ADAM12: variants seen among roughly 807,000 people sequenced by gnomAD.
ADAM12 encodes disintegrin and metalloproteinase domain-containing protein 12.
A neutral mutation model predicts 106.4 loss-of-function variants in ADAM12; 70 were observed. The ratio of observed to expected loss-of-function variants is 0.66; its 90% CI spans 0.54 to 0.80. The LOEUF (loss-of-function observed/expected upper bound fraction) is 0.80, where lower values mean the gene tolerates loss of function less well. Ranked by LOEUF, ADAM12 falls within the 30% of genes least tolerant of loss-of-function variation. The pLI is 0.00. For synonymous variants in ADAM12, 420 were observed against 433.5 expected, an observed-to-expected ratio of 0.97 and a Z score of 0.39; for missense variants, 1,010 against 1,171.9, an observed-to-expected ratio of 0.86 and a Z score of 2.02.
At chr10:126,114,755 C>T (rs1955949141) in intron 6 of ADAM12, among the ~76,000 whole-genome samples, 1 of 152,212 alleles carries the variant, frequency 6.6e-6, no homozygotes, top group African/African-American at 2.4e-5. Context: ...GCTGGGACTA[C>T]AGGCGTGAGC....
At chr10:126,338,929 G>A (rs927757679) in intron 1 of ADAM12, among the ~76,000 whole-genome samples, 3 of 152,170 alleles carry the variant, frequency 2.0e-5, no homozygotes, top group African/African-American at 7.2e-5. Context: ...TGAAAAACAA[G>A]TCATTCTGCA....
At chr10:126,336,932 A>G (rs1266106931) in intron 1 of ADAM12, among the ~76,000 whole-genome samples, 2 of 152,202 alleles carry the variant, frequency 1.3e-5, no homozygotes, top group East Asian at 3.8e-4. Flanking sequence ...CTTGCTATTC[A>G]GATCCTTGGT....
At chr10:126,097,309 A>C (rs1955575767) in intron 10 of ADAM12, among the ~76,000 whole-genome samples, 1 of 152,154 alleles carries the variant, frequency 6.6e-6, no homozygotes, top group South Asian at 2.1e-4. Flanking sequence ...CAGGGCCTCC[A>C]GGTCCACAGA....
intron 5 of ADAM12, among the ~76,000 whole-genome samples, chr10:126,121,421 G>C (rs1318137666): frequency 4.9e-5 from 6 of 121,872 alleles, no homozygotes; most frequent in African/African-American, 2.0e-4. Context: ...TATATAATAT[G>C]CAATATATTA....
chr10:126,113,558 G>GCTGAGGCACAAGAATTACT (rs1344878290), intron 6 of ADAM12, among the ~76,000 whole-genome samples: 1 of 133,666 alleles, frequency 7.5e-6, no homozygotes, highest in Non-Finnish European at 1.5e-5. Flanking sequence ...TACTCGGGAG[G>GCTGAGGCACAAGAATTACT]CTGAGGCACA....
At chr10:126,141,090 G>A (rs1956501219) in intron 4 of ADAM12, among the ~76,000 whole-genome samples, 1 of 152,206 alleles carries the variant, frequency 6.6e-6, no homozygotes, top group South Asian at 2.1e-4. Flanking sequence ...CTTGGTTTTT[G>A]GGTCTGAATA....
chr10:126,143,289 TGTGTGTGCATGTGG>T (rs1213372927), intron 4 of ADAM12, among the ~76,000 whole-genome samples: 3 of 150,232 alleles, frequency 2.0e-5, no homozygotes, highest in East Asian at 3.9e-4. Context: ...TATGCATGTG[TGTGTGTGCATGTGG>T]GTGTGCATGT....
chr10:126,184,740 A>G (rs1377889225), intron 3 of ADAM12, among the ~76,000 whole-genome samples: 1 of 152,184 alleles, frequency 6.6e-6, no homozygotes, highest in East Asian at 1.9e-4. Context: ...ATGTTGCAGG[A>G]AAAATGAACC....
intron 2 of ADAM12, among the ~76,000 whole-genome samples, chr10:126,287,646 T>C (rs1267026234): frequency 6.6e-6 from 1 of 151,982 alleles, no homozygotes; most frequent in African/African-American, 2.4e-5. Flanking sequence ...TTCCCGAAGC[T>C]TCTGGGTCCT....
chr10:126,053,567 C>A lies in ADAM12; in HGVS notation c.1610-3898G>T. On this transcript the variant is annotated intron_variant, in intron 14 of 22. Transcript: ENST00000448723. This position sits in a 1 kb window ranked among gnomAD's most constrained non-coding sequence, Gnocchi z 4.6. ...TACCAACACAGATGACACAGTCAAG[C>A]ATCATCTTATAATATGCTGTCAATT... 6.6e-6 allele frequency among the ~76,000 whole-genome samples: 1 copy of A among 152,044 alleles called. No homozygotes were observed. Among genetic ancestry groups the A allele is most frequent in the Non-Finnish European group, 1.5e-5 (1 of 68,016 alleles).
chr10:126,140,459 T>C (rs1256734793), intron 4 of ADAM12, among the ~76,000 whole-genome samples: 1 of 152,214 alleles, frequency 6.6e-6, no homozygotes, highest in South Asian at 2.1e-4. Context: ...GTATTGCTTA[T>C]GAGGGAGGAG....
At chr10:126,357,600 T>C (rs1425047750) in intron 1 of ADAM12, among the ~76,000 whole-genome samples, 1 of 152,166 alleles carries the variant, frequency 6.6e-6, no homozygotes, top group Non-Finnish European at 1.5e-5. Context: ...CAGTTCAGCA[T>C]GGCAGGGGAG....
chr10:126,328,375 T>C (rs1363315740), intron 2 of ADAM12, among the ~76,000 whole-genome samples: 3 of 152,228 alleles, frequency 2.0e-5, no homozygotes, highest in Non-Finnish European at 4.4e-5. Flanking sequence ...GTATGTTTTG[T>C]ATACTGAAGA....
intron 6 of ADAM12, among the ~76,000 whole-genome samples, chr10:126,117,428 G>A (rs1238491070): frequency 2.0e-5 from 3 of 152,166 alleles, no homozygotes; most frequent in East Asian, 1.9e-4. Context: ...CTGCTTGGAC[G>A]GTCCCAGGAG....
Position 126,304,414 on chromosome 10 carries a change from A to G in ADAM12, c.187-25426T>C, listed in dbSNP as rs191968257. On this transcript the variant is annotated intron_variant, in intron 2 of 22. Transcript: ENST00000448723. ...CAGCAACTTCAAAAAAGCCAACCATATTAATAATTACATTAAAGATAAATG... is the reference window on the plus strand; with the variant it reads ...CAGCAACTTCAAAAAAGCCAACCATGTTAATAATTACATTAAAGATAAATG... Among the ~76,000 whole-genome samples the G allele has an allele frequency of 1.0e-3, 153 of 152,216 alleles. 3 individuals are homozygous for G. The South Asian group carries it at 0.02, about 20-fold the overall frequency.
intron 1 of ADAM12, among the ~76,000 whole-genome samples, chr10:126,376,339 C>A (rs1856292245): frequency 6.6e-6 from 1 of 152,052 alleles, no homozygotes; most frequent in Admixed American, 6.6e-5. Context: ...AAGAAAACAT[C>A]AATTACAACT....
chr10:126,145,297 G>T (rs904434570), intron 4 of ADAM12, among the ~76,000 whole-genome samples: 3 of 152,070 alleles, frequency 2.0e-5, no homozygotes, highest in African/African-American at 4.8e-5. Context: ...CAGGACTTTG[G>T]TTCAGCTGCT....
chr10:126,344,503 T>C (rs1855060448), intron 1 of ADAM12, among the ~76,000 whole-genome samples: 2 of 152,156 alleles, frequency 1.3e-5, no homozygotes, highest in Non-Finnish European at 2.9e-5. Context: ...CTTGGAAATG[T>C]GGGCTCTTTT....
At chr10:126,333,677 T>C (rs1182919058) in intron 1 of ADAM12, among the ~76,000 whole-genome samples, 1 of 152,230 alleles carries the variant, frequency 6.6e-6, no homozygotes, top group Admixed American at 6.5e-5. Flanking sequence ...GGACTGTTTC[T>C]TCCAAGGCTC....
Sources: gnomAD v4.1 joint callset for allele counts (sites outside exome capture counted in the v4.1 genomes callset) on GRCh38, gnomAD v4.1.1 for gene constraint, Gnocchi (gnomAD v3.1) non-coding constraint, MANE v1.5 for transcripts, NCBI Gene and HGNC (gene_info 2026-07-23, HGNC 2026-07-21) for gene names.